ERO1A: variants seen among roughly 807,000 people sequenced by gnomAD.
ERO1A encodes the protein ERO1-like protein alpha.
A neutral mutation model predicts 76.9 loss-of-function variants in ERO1A; 49 were observed. The ratio of observed to expected loss-of-function variants is 0.64; its 90% CI spans 0.51 to 0.81. The LOEUF is 0.81. ERO1A is among the 30% of genes least tolerant of loss of function. The pLI is 0.00. For synonymous variants in ERO1A, 174 were observed against 181.2 expected (o/e 0.96, Z 0.32); for missense variants, 448 against 542.1 (o/e 0.83, Z 1.72).
At chr14:52,692,200 G>A (rs752195364) in intron 1 of ERO1A, among the ~76,000 whole-genome samples, 2 of 152,184 alleles carry the variant, frequency 1.3e-5, no homozygotes, top group Non-Finnish European at 2.9e-5. Flanking sequence ...TCACTTCTTG[G>A]AAGTGTCACA....
At chr14:52,658,798 T>C (rs1392334155) in intron 9 of ERO1A, among the ~76,000 whole-genome samples, 4 of 152,010 alleles carry the variant, frequency 2.6e-5, no homozygotes, top group South Asian at 4.1e-4. Flanking sequence ...ACTATGAAAA[T>C]AGCAAGAATG....
chr14:52,661,224 C>T (rs2139676261), intron 9 of ERO1A, 69 bp downstream of exon 9: 2 of 597,146 alleles, frequency 3.3e-6, no homozygotes, highest in East Asian at 3.5e-5. Flanking sequence ...AAAAAATAAA[C>T]TTTGCCATAA....
intron 3 of ERO1A, among the ~76,000 whole-genome samples, chr14:52,681,027 T>C (rs11628991): frequency 0.15 from 22,618 of 152,154 alleles, 1,897 homozygotes; most frequent in African/African-American, 0.22. Context: ...GGAACTCTTG[T>C]ACATTGCTGG....
At chr14:52,655,497 C>T (rs2040014721) in intron 11 of ERO1A, among the ~76,000 whole-genome samples, 1 of 152,142 alleles carries the variant, frequency 6.6e-6, no homozygotes, top group African/African-American at 2.4e-5. Flanking sequence ...GATACACTTA[C>T]AGCACATGTT....
At chr14:52,664,817 G>A (rs1389275440) in intron 7 of ERO1A, among the ~76,000 whole-genome samples, 2 of 151,880 alleles carry the variant, frequency 1.3e-5, no homozygotes, top group South Asian at 2.1e-4. Context: ...TCAGCCTCTC[G>A]AGTAGCTGGG....
intron 7 of ERO1A, among the ~76,000 whole-genome samples, chr14:52,665,028 A>G (rs545799271): frequency 6.0e-5 from 9 of 150,218 alleles, no homozygotes; most frequent in Non-Finnish European, 1.3e-4. Context: ...CACTTTGGGC[A>G]TGGTGGCTCA....
intron 2 of ERO1A, 23 bp from the exon 3 acceptor site, chr14:52,682,431 A>T (rs769580656): frequency 6.6e-7 from 1 of 1,520,450 alleles, no homozygotes; most frequent in African/African-American, 1.4e-5. Context: ...AATAGAAAAA[A>T]AATTATAAAA....
chr14:52,651,405 T>TA (rs1246464139), intron 13 of ERO1A, among the ~76,000 whole-genome samples: 1 of 152,212 alleles, frequency 6.6e-6, no homozygotes, highest in South Asian at 2.1e-4. Context: ...GATAGACTAA[T>TA]ACGCTACTCA....
chr14:52,687,410 A>G (rs951053630), intron 1 of ERO1A, among the ~76,000 whole-genome samples: 8 of 152,220 alleles, frequency 5.3e-5, no homozygotes, highest in African/African-American at 1.9e-4. Flanking sequence ...AGCCTGGGCA[A>G]TGGGAGTGAG....
intron 10 of ERO1A, 34 bp downstream of exon 10, chr14:52,658,090 C>T (rs1447736336): frequency 6.7e-7 from 1 of 1,499,880 alleles, no homozygotes; most frequent in African/African-American, 1.4e-5. Context: ...AGAAAAAAAC[C>T]ATCATTGAAA....
chr14:52,680,957 A>G (rs939845107), intron 3 of ERO1A, among the ~76,000 whole-genome samples: 1 of 152,214 alleles, frequency 6.6e-6, no homozygotes, highest in African/African-American at 2.4e-5. Context: ...CACACCTATT[A>G]GGATAACTAT....
intron 7 of ERO1A, among the ~76,000 whole-genome samples, chr14:52,665,200 G>A (rs1284833770): frequency 6.6e-6 from 1 of 151,298 alleles, no homozygotes. Flanking sequence ...TACTCAGGAG[G>A]CTGAGGCAGG....
intron 3 of ERO1A, among the ~76,000 whole-genome samples, chr14:52,681,105 A>G (rs2040979196): frequency 6.6e-6 from 1 of 152,180 alleles, no homozygotes; most frequent in Admixed American, 6.5e-5. Flanking sequence ...AAACAAACGG[A>G]ACTAACACAT....
At chr14:52,681,669 T>A (rs766678666) in intron 3 of ERO1A, among the ~76,000 whole-genome samples, 1 of 152,132 alleles carries the variant, frequency 6.6e-6, no homozygotes, top group African/African-American at 2.4e-5. Flanking sequence ...GAATAAATTG[T>A]CATTCAAAAA....
In ERO1A at chr14:52,695,453, C is replaced by T; in HGVS notation, c.29G>A (p.Gly10Asp). Residue 10 changes from glycine (G) to aspartate (D), a missense_variant, in exon 1 of 16, where the codon GGC becomes GAC. Physicochemically the swap from Gly to Asp is moderately conservative, Grantham distance 94 (BLOSUM62 -1). This residue lies in a region of ERO1A where 146 missense variants were observed against 130.2 expected (regional missense o/e 1.12). Transcript: ENST00000395686. MGRGWGFLF[G>D]LLGAVWLLSS... ...GAGCAGCCACACGGCGCCCAGGAGGCCAAACAAGAATCCCCAGCCGCGGCC... is the reference window on the plus strand; with the variant it reads ...GAGCAGCCACACGGCGCCCAGGAGGTCAAACAAGAATCCCCAGCCGCGGCC... The T allele has an allele frequency of 1.3e-6, 2 of 1,545,724 alleles. No homozygotes were observed. Among genetic ancestry groups the T allele is most frequent in the South Asian group, 1.2e-5 (1 of 83,140 alleles).
intron 15 of ERO1A, among the ~76,000 whole-genome samples, chr14:52,645,847 TACACACACACACACACACAC>T (rs113770296): frequency 6.9e-6 from 1 of 145,126 alleles, no homozygotes; most frequent in African/African-American, 2.5e-5. Context: ...CTACTAAAAA[TACACACACACACACACACAC>T]ACACACACAC....
chr14:52,672,815 A>C (rs868044582), intron 4 of ERO1A, among the ~76,000 whole-genome samples: 1 of 151,794 alleles, frequency 6.6e-6, no homozygotes, highest in Middle Eastern at 3.4e-3. Flanking sequence ...CAAACAAAAA[A>C]AATTTGGTCA....
At chr14:52,648,242 C>T (rs1441050784) in intron 13 of ERO1A, among the ~76,000 whole-genome samples, 1 of 151,912 alleles carries the variant, frequency 6.6e-6, no homozygotes, top group Non-Finnish European at 1.5e-5. Flanking sequence ...TAATTTTAAA[C>T]CTACTTAAAA....
Position 52,643,636 on chromosome 14 carries a change from ACC to A in ERO1A, c.1347-8_1347-7del. On this transcript the variant is annotated splice_polypyrimidine_tract_variant and splice_region_variant and intron_variant, in intron 15 of 15. Coordinates refer to ENST00000395686, the MANE Select transcript of ERO1A (RefSeq NM_014584.3). ...CTTTCACACTTGTAGAAATTCTGTA[ACC>A]AAAAAATATTTCACTCAGAAACCAT... The A allele has an allele frequency of 7.0e-7, 1 of 1,435,396 alleles. No homozygotes were observed. 88.9% of individuals were successfully genotyped at this position (1,435,396 alleles called of 1,614,324 possible). A position where few individuals can be genotyped will look rare whatever the true frequency, so the allele number is the denominator to read the frequency against.
Sources: gnomAD v4.1 joint callset for allele counts (sites outside exome capture counted in the v4.1 genomes callset) on GRCh38, gnomAD v4.1.1 for gene constraint, gnomAD v4.1.1 regional missense constraint, MANE v1.5 for transcripts, NCBI Gene and HGNC (gene_info 2026-07-23, HGNC 2026-07-21) for gene names.